The following INPP4B variants were observed in gnomAD, a reference collection of about 807,000 sequenced individuals.
The protein encoded by INPP4B is inositol polyphosphate-4-phosphatase type II B.
INPP4B carries 55 observed loss-of-function variants against 122.5 expected under a neutral mutation model. That is an observed-to-expected ratio of 0.45 (90% confidence interval 0.36 to 0.56). The LOEUF (loss-of-function observed/expected upper bound fraction) is 0.56. Ranked by LOEUF, INPP4B falls within the 20% of genes least tolerant of loss-of-function variation. The pLI is 0.00. For missense variants in INPP4B, 1,000 were observed against 1,097.7 expected (o/e 0.91, Z 1.26); for synonymous variants, 403 against 388.7 (o/e 1.04, Z -0.43).
chr4:142,724,007 C>A (rs573760419), intron 2 of INPP4B, among the ~76,000 whole-genome samples: 1 of 152,200 alleles, frequency 6.6e-6, no homozygotes, highest in East Asian at 1.9e-4. Context: ...ACATACATAT[C>A]TTGGATCATA....
intron 7 of INPP4B, chr4:142,317,291 C>T: frequency 2.7e-6 from 1 of 373,048 alleles, no homozygotes; most frequent in Non-Finnish European, 5.4e-6. Context: ...AGGAGCCCCT[C>T]GATCTTATCA....
intron 2 of INPP4B, among the ~76,000 whole-genome samples, chr4:142,472,640 T>A (rs79083048): frequency 0.038 from 5,791 of 152,258 alleles, 237 homozygotes; most frequent in African/African-American, 0.082. Flanking sequence ...AAAAGATTCT[T>A]ATACCTACTT....
chr4:142,678,024 A>T (rs981672949), intron 2 of INPP4B, among the ~76,000 whole-genome samples: 2 of 151,850 alleles, frequency 1.3e-5, no homozygotes, highest in African/African-American at 4.8e-5. Flanking sequence ...AAGTAACTTT[A>T]AAAAAAGGTG....
At chr4:142,493,953 C>G (rs1822197516) in intron 2 of INPP4B, among the ~76,000 whole-genome samples, 1 of 152,150 alleles carries the variant, frequency 6.6e-6, no homozygotes, top group Non-Finnish European at 1.5e-5. Flanking sequence ...TGGGAGGGAA[C>G]TGGTGAGAGA....
chr4:142,370,993 A>G (rs1237357636), intron 7 of INPP4B, among the ~76,000 whole-genome samples: 1 of 152,214 alleles, frequency 6.6e-6, no homozygotes, highest in East Asian at 1.9e-4. Flanking sequence ...CTGACCAAAG[A>G]GAACAAAGCT....
Position 142,338,495 on chromosome 4 carries a change from C to T in INPP4B, c.373-23733G>A, listed in dbSNP as rs182095059. ...CCTCGTGATCTGCCCGCCTCGGCCTCCCAAAGTGCTGGGATTACAGGCGTG... is the reference window on the plus strand; with the variant it reads ...CCTCGTGATCTGCCCGCCTCGGCCTTCCAAAGTGCTGGGATTACAGGCGTG... On this transcript the variant is annotated intron_variant, in intron 7 of 25. Coordinates refer to ENST00000262992, the MANE Select transcript of INPP4B (RefSeq NM_001101669.3). Among the ~76,000 whole-genome samples, 1,499 of 152,240 alleles carry T rather than the reference C, an allele frequency of 9.8e-3. 26 individuals are homozygous for T. The highest frequency in any genetic ancestry group is 0.035 in the African/African-American group (1,440 of 41,532).
At chr4:142,444,018 G>C (rs1208128372) in intron 3 of INPP4B, among the ~76,000 whole-genome samples, 3 of 152,146 alleles carry the variant, frequency 2.0e-5, no homozygotes, top group Non-Finnish European at 4.4e-5. Context: ...AAAAACTCTA[G>C]TGGAAAAAGT....
chr4:142,788,151 CACTT>C (rs1271850111), intron 1 of INPP4B, among the ~76,000 whole-genome samples: 6 of 152,064 alleles, frequency 3.9e-5, no homozygotes, highest in Admixed American at 2.0e-4. Context: ...AGCCAATAAA[CACTT>C]AGTACATTTA....
chr4:142,351,197 C>T (rs919429602), intron 7 of INPP4B, among the ~76,000 whole-genome samples: 2 of 151,940 alleles, frequency 1.3e-5, no homozygotes, highest in Non-Finnish European at 2.9e-5. Context: ...TGGGTCTTGT[C>T]CAAGTTCACC....
intron 11 of INPP4B, among the ~76,000 whole-genome samples, chr4:142,246,029 C>CATTATATAT (rs1728367267): frequency 1.5e-5 from 2 of 133,180 alleles, no homozygotes; most frequent in South Asian, 2.4e-4. Context: ...TGTATGTACA[C>CATTATATAT]ACACGTGTGT....
intron 7 of INPP4B, among the ~76,000 whole-genome samples, chr4:142,365,115 A>C (rs10519644): frequency 0.11 from 16,902 of 152,152 alleles, 1,001 homozygotes; most frequent in East Asian, 0.18. Context: ...AAAAGACATG[A>C]AATTAGAGTT....
chr4:142,818,907 GT>G (rs1209620780), intron 1 of INPP4B, among the ~76,000 whole-genome samples: 1 of 152,116 alleles, frequency 6.6e-6, no homozygotes, highest in Admixed American at 6.6e-5. Flanking sequence ...TGGCTTATGA[GT>G]TTTTGGTCCA....
At chr4:142,517,692 G>T (rs143995868) in intron 2 of INPP4B, among the ~76,000 whole-genome samples, 1 of 152,238 alleles carries the variant, frequency 6.6e-6, no homozygotes, top group Non-Finnish European at 1.5e-5. Flanking sequence ...AGCCCACCTA[G>T]TGATGAGAAT....
At chr4:142,173,520 C>T (rs1486991498) in intron 16 of INPP4B, 112 bp downstream of exon 16, 5 of 847,986 alleles carry the variant, frequency 5.9e-6, no homozygotes, top group East Asian at 2.6e-5. Context: ...ACTTTTTAAC[C>T]TACTCTATTT....
intron 7 of INPP4B, among the ~76,000 whole-genome samples, chr4:142,350,063 C>G (rs532500419): frequency 1.3e-5 from 2 of 151,886 alleles, no homozygotes; most frequent in Non-Finnish European, 2.9e-5. Flanking sequence ...GCTACCTCTT[C>G]GGCGCTTAGA....
chr4:142,650,118 G>T (rs1752626252), intron 2 of INPP4B, among the ~76,000 whole-genome samples: 1 of 152,184 alleles, frequency 6.6e-6, no homozygotes. Context: ...GCCAAACTAA[G>T]CTTCATAAGA....
chr4:142,641,798 G>A lies in INPP4B; in HGVS notation c.-191+84041C>T, dbSNP rs557161855. Among the ~76,000 whole-genome samples, 4 of 152,276 alleles carry A rather than the reference G, an allele frequency of 2.6e-5. No homozygotes were observed. In the South Asian group the frequency reaches 8.3e-4, roughly 32 times the overall value. On this transcript the variant is annotated intron_variant, in intron 2 of 25. Coordinates refer to ENST00000262992, the MANE Select transcript of INPP4B (RefSeq NM_001101669.3). ...GTATATACCCAGTAATGATTTGGCT[G>A]TGTCAAATGGTATTTCTAGTTCTAG...
At chr4:142,786,480 A>G (rs995701792) in intron 1 of INPP4B, among the ~76,000 whole-genome samples, 4 of 152,168 alleles carry the variant, frequency 2.6e-5, no homozygotes, top group Non-Finnish European at 4.4e-5. Flanking sequence ...TATTCAAATA[A>G]TGTATGTAGA....
chr4:142,448,966 C>T (rs1214376656), intron 3 of INPP4B, among the ~76,000 whole-genome samples: 3 of 152,124 alleles, frequency 2.0e-5, no homozygotes, highest in Non-Finnish European at 2.9e-5. Context: ...AAGATAATTC[C>T]CGTCAGGGCA....
Sources: gnomAD v4.1 joint callset for allele counts (sites outside exome capture counted in the v4.1 genomes callset) on GRCh38, gnomAD v4.1.1 for gene constraint, MANE v1.5 for transcripts, NCBI Gene and HGNC (gene_info 2026-07-23, HGNC 2026-07-21) for gene names.